ASTN2: variants seen among roughly 807,000 people sequenced by gnomAD.
The protein encoded by ASTN2 is astrotactin 2, also known as astrotactin-2.
A neutral mutation model predicts 139.8 loss-of-function variants in ASTN2; 54 were observed. The ratio of observed to expected loss-of-function variants is 0.39; its 90% CI spans 0.31 to 0.48. The LOEUF (loss-of-function observed/expected upper bound fraction) is 0.48. Ranked by LOEUF, ASTN2 falls within the 20% of genes least tolerant of loss-of-function variation. The pLI is 0.95. For synonymous variants in ASTN2, 756 were observed against 719.5 expected, an observed-to-expected ratio of 1.05 and a Z score of -0.81; for missense variants, 1,565 against 1,725.1, an observed-to-expected ratio of 0.91 and a Z score of 1.64.
rs541435364 is a variant in ASTN2, at chr9:116,560,862, C to T, written c.3355+57462G>A. ...AAGGGAGGTAGAGAGGGAAAATAGT[C>T]AGAAAGCTTCTCAGAAAAAGTTAAA... On this transcript the variant is annotated intron_variant, in intron 19 of 22. Transcript: ENST00000313400. Among the ~76,000 whole-genome samples, 5 of 152,254 alleles carry T rather than the reference C, an allele frequency of 3.3e-5. No homozygotes were observed. In the East Asian group the frequency reaches 9.7e-4, roughly 29 times the overall value.
chr9:116,885,398 G>A (rs780105308), intron 10 of ASTN2, among the ~76,000 whole-genome samples: 29 of 152,174 alleles, frequency 1.9e-4, no homozygotes, highest in Admixed American at 3.3e-4. Flanking sequence ...GAGCACAGTG[G>A]CTCATGCCTA....
chr9:116,480,123 AG>A (rs796266952), intron 20 of ASTN2, among the ~76,000 whole-genome samples: 6 of 151,988 alleles, frequency 3.9e-5, no homozygotes, highest in African/African-American at 1.2e-4. Context: ...AAAGGAAGGA[AG>A]GAAAGAAGGA....
At chr9:116,686,971 C>A in intron 16 of ASTN2, 1 of 1,460,878 alleles carries the variant, frequency 6.8e-7, no homozygotes, top group Admixed American at 2.2e-5. Context: ...GGTGCCAACG[C>A]TTTGCTGAGG....
In ASTN2 at chr9:116,801,410, G is replaced by A. The variant is rs571396392; in HGVS notation, c.2396+4222C>T. Among the ~76,000 whole-genome samples, 7 of 151,564 alleles carry A rather than the reference G, an allele frequency of 4.6e-5. No individual in the cohort carries two copies. In the South Asian group the frequency reaches 6.3e-4, roughly 14 times the overall value. ...AGTCTGGCTAACACAGCGAAACCCC[G>A]TCTCTACTAAAAATACAAAAAATTA... is the stretch of plus-strand genomic sequence containing the variant. On this transcript the variant is annotated intron_variant, in intron 13 of 22. Transcript: ENST00000313400.
chr9:116,749,848 T>C (rs768781383), intron 13 of ASTN2, among the ~76,000 whole-genome samples: 10 of 152,180 alleles, frequency 6.6e-5, no homozygotes, highest in Non-Finnish European at 1.2e-4. Flanking sequence ...TTCTCTCTCT[T>C]GCTCTCACTC....
chr9:116,795,503 C>G (rs998834088), intron 13 of ASTN2, among the ~76,000 whole-genome samples: 3 of 152,216 alleles, frequency 2.0e-5, no homozygotes, highest in Admixed American at 6.5e-5. Context: ...ATTATGTTTT[C>G]CCGAGGCTGT....
intron 10 of ASTN2, among the ~76,000 whole-genome samples, chr9:116,911,901 A>G (rs141674802): frequency 0.011 from 1,645 of 152,244 alleles, 11 homozygotes; most frequent in Non-Finnish European, 0.019. Context: ...TCAAACAAAC[A>G]AACAAACAAA....
At chr9:117,141,560 A>T in intron 3 of ASTN2, 82 bp from the exon 4 acceptor site, 1 of 1,253,824 alleles carries the variant, frequency 8.0e-7, no homozygotes. Flanking sequence ...TTAGGGCTTG[A>T]GCCCACCTTC....
At chr9:116,609,324 C>A (rs376767019) in intron 19 of ASTN2, among the ~76,000 whole-genome samples, 35,695 of 108,766 alleles carry the variant, frequency 0.33, 5,413 homozygotes, top group African/African-American at 0.35. Context: ...CTCTCTCTCT[C>A]TCTCTATATA....
intron 17 of ASTN2, among the ~76,000 whole-genome samples, chr9:116,627,922 G>T (rs1856547615): frequency 6.6e-6 from 1 of 152,126 alleles, no homozygotes; most frequent in Non-Finnish European, 1.5e-5. Context: ...TGTGAGCTAG[G>T]TGTAGTTATT....
chr9:116,648,110 T>C (rs1366315156), intron 17 of ASTN2, among the ~76,000 whole-genome samples: 1 of 151,952 alleles, frequency 6.6e-6, no homozygotes, highest in Non-Finnish European at 1.5e-5. Context: ...CAAGCGATTC[T>C]CCTGCCTCAG....
At chr9:116,952,291 T>C (rs1252133633) in intron 10 of ASTN2, among the ~76,000 whole-genome samples, 3 of 152,214 alleles carry the variant, frequency 2.0e-5, no homozygotes, top group Middle Eastern at 3.2e-3. Flanking sequence ...TTCATTCCTA[T>C]TGGGCTCGCA....
chr9:117,335,742 C>T (rs1828861190), intron 1 of ASTN2, among the ~76,000 whole-genome samples: 2 of 152,000 alleles, frequency 1.3e-5, no homozygotes, highest in African/African-American at 2.4e-5. Context: ...TTAAAAATTA[C>T]CCCATCTAAT....
chr9:117,077,420 G>C (rs989170998), intron 5 of ASTN2, among the ~76,000 whole-genome samples: 4 of 152,144 alleles, frequency 2.6e-5, no homozygotes, highest in African/African-American at 9.7e-5. Flanking sequence ...GAGCTATAAA[G>C]TAAGTAAGCT....
At chr9:116,866,129 A>C (rs1336501294) in intron 10 of ASTN2, among the ~76,000 whole-genome samples, 1 of 152,186 alleles carries the variant, frequency 6.6e-6, no homozygotes, top group African/African-American at 2.4e-5. Context: ...TCTCCCAGAG[A>C]GACTATAAGC....
At chr9:116,738,061 G>A (rs886180658) in intron 13 of ASTN2, among the ~76,000 whole-genome samples, 6 of 151,516 alleles carry the variant, frequency 4.0e-5, no homozygotes, top group African/African-American at 4.9e-5. Context: ...GCGTGGTAGC[G>A]GGCGCCTGTA....
chr9:117,167,845 C>T (rs750175016), intron 3 of ASTN2, among the ~76,000 whole-genome samples: 1 of 152,062 alleles, frequency 6.6e-6, no homozygotes, highest in South Asian at 2.1e-4. Flanking sequence ...TGTCAGCAAA[C>T]GTTTTCCTGA....
intron 3 of ASTN2, among the ~76,000 whole-genome samples, chr9:117,153,947 A>G (rs938788173): frequency 6.6e-6 from 1 of 152,068 alleles, no homozygotes; most frequent in Non-Finnish European, 1.5e-5. Context: ...TATATTACTT[A>G]CCCATAATAT....
intron 11 of ASTN2, among the ~76,000 whole-genome samples, chr9:116,846,179 A>T (rs1832425955): frequency 6.6e-6 from 1 of 152,172 alleles, no homozygotes; most frequent in Non-Finnish European, 1.5e-5. Context: ...GGAAAGCAGA[A>T]TGGTGGTTGC....
Sources: allele counts gnomAD v4.1 joint callset (sites outside exome capture counted in the v4.1 genomes callset), GRCh38; gene constraint gnomAD v4.1.1; transcripts MANE v1.5; gene names NCBI Gene and HGNC (gene_info 2026-07-23, HGNC 2026-07-21).